The following KIF26B variants were observed in gnomAD, a reference collection of about 807,000 sequenced individuals.
KIF26B encodes the protein kinesin-like protein KIF26B.
KIF26B carries 63 observed loss-of-function variants against 151.2 expected under a neutral mutation model. That is an observed-to-expected ratio of 0.42 (90% CI 0.34 to 0.51). The LOEUF (loss-of-function observed/expected upper bound fraction) is 0.51, where lower values mean the gene tolerates loss of function less well. Ranked by LOEUF, KIF26B falls within the 20% of genes least tolerant of loss-of-function variation. The probability of loss-of-function intolerance (pLI) is 0.07; values close to 1 mark genes in which losing one functional copy is unlikely to be tolerated. For synonymous variants in KIF26B, 1,357 were observed against 1,262.1 expected (o/e 1.08, Z -1.59); for missense variants, 2,813 against 2,913.6 (o/e 0.97, Z 0.79).
chr1:245,180,954 TG>T (rs1470159698), intron 2 of KIF26B, among the ~76,000 whole-genome samples: 3 of 152,126 alleles, frequency 2.0e-5, no homozygotes, highest in Non-Finnish European at 2.9e-5. Context: ...TTCTCTTTTG[TG>T]GGCAAGATAG....
chr1:245,573,447 C>T (rs1381644176), intron 5 of KIF26B, among the ~76,000 whole-genome samples: 1 of 152,068 alleles, frequency 6.6e-6, no homozygotes, highest in African/African-American at 2.4e-5. Flanking sequence ...CGCTTGAACC[C>T]AGGAGGTGGA....
In KIF26B at chr1:245,698,867, CCT is replaced by C. The variant is rs1263007275; in HGVS notation, c.6028-15_6028-14del. The C allele has an allele frequency of 1.3e-5, 21 of 1,609,260 alleles. No individual in the cohort carries two copies. The highest frequency in any genetic ancestry group is 4.0e-5 in the African/African-American group (3 of 74,966). On this transcript the variant is annotated intron_variant, in intron 13 of 14. Coordinates refer to ENST00000407071, the MANE Select transcript of KIF26B (RefSeq NM_018012.4). This position sits in a 1 kb window ranked among gnomAD's most constrained non-coding sequence, Gnocchi z 4.0. Reference sequence around the variant, plus strand: ...GGGTGTGAGCAGAAGGGCCCTTTCTCCTCTCTGTCTGTGTGCTAGGAGGCCAT... The same window carrying C: ...GGGTGTGAGCAGAAGGGCCCTTTCTCCTCTGTCTGTGTGCTAGGAGGCCAT...
At chr1:245,674,640 T>C (rs2044334930) in intron 10 of KIF26B, among the ~76,000 whole-genome samples, 1 of 152,222 alleles carries the variant, frequency 6.6e-6, no homozygotes, top group South Asian at 2.1e-4. Flanking sequence ...TTCATCAAAG[T>C]GATGACATTC....
chr1:245,540,656 G>A lies in KIF26B; in HGVS notation c.1167-111G>A, dbSNP rs755275681. 2.1e-6 allele frequency: 2 copies of A among 944,044 alleles called. No individual in the cohort carries two copies. The highest frequency in any genetic ancestry group is 3.2e-5 in the African/African-American group (2 of 62,180). 58.5% of individuals were successfully genotyped at this position (944,044 alleles called of 1,614,324 possible). A position where few individuals can be genotyped will look rare whatever the true frequency, so the allele number is the denominator to read the frequency against. On this transcript the variant is annotated intron_variant, in intron 4 of 14. Transcript: ENST00000407071. This position sits in a 1 kb window ranked among gnomAD's most constrained non-coding sequence, Gnocchi z 4.6. The stretch of plus-strand genomic sequence containing the variant: ...AGGACACTGAGCAGGAGGAGAGAAG[G>A]AATGATTAGGCCTCAGAAAGAACGA...
chr1:245,493,054 C>T (rs1428834262), intron 4 of KIF26B, among the ~76,000 whole-genome samples: 1 of 152,152 alleles, frequency 6.6e-6, no homozygotes, highest in African/African-American at 2.4e-5. Context: ...GCTGGGATTA[C>T]AGGTGTGAAC....
chr1:245,381,556 C>T (rs1673409780), intron 3 of KIF26B, among the ~76,000 whole-genome samples: 1 of 151,930 alleles, frequency 6.6e-6, no homozygotes, highest in Non-Finnish European at 1.5e-5. Context: ...TGGCCTAAGA[C>T]AGTTCTTCTT....
In KIF26B at chr1:245,386,336, T is replaced by TAAAA. The variant is rs3038167; in HGVS notation, c.999+18977_999+18980dup. Among the ~76,000 whole-genome samples the TAAAA allele has an allele frequency of 7.8e-3, 1,145 of 147,692 alleles. 12 individuals carry two copies. The highest frequency in any genetic ancestry group is 0.021 in the East Asian group (104 of 5,042). On this transcript the variant is annotated intron_variant, in intron 3 of 14. Transcript: ENST00000407071. Reference sequence around the variant, plus strand: ...TATTCAGCCTGCTGTGTAATTGATCTAAAAAAAAAAAGACAGATTTATTCT... The same window carrying TAAAA: ...TATTCAGCCTGCTGTGTAATTGATCTAAAAAAAAAAAAAAAGACAGATTTATTCT...
rs35663208 is a variant in KIF26B at position 245,679,457 on chromosome 1, G to GTTTTT, written c.2259-4751_2259-4747dup. On this transcript the variant is annotated intron_variant, in intron 10 of 14. Coordinates refer to ENST00000407071, the MANE Select transcript of KIF26B (RefSeq NM_018012.4). Reference sequence around the variant, plus strand: ...GGTTTTTTGTGTTTTTTTTGTGTGTGTTTTTTTTTTTTTTTTTTTTTTTTT... The same window carrying GTTTTT: ...GGTTTTTTGTGTTTTTTTTGTGTGTGTTTTTTTTTTTTTTTTTTTTTTTTTTTTTT... Among the ~76,000 whole-genome samples, 100 of 59,206 alleles carry GTTTTT rather than the reference G, an allele frequency of 1.7e-3. 14 individuals are homozygous for GTTTTT. The highest frequency in any genetic ancestry group is 3.7e-3 in the African/African-American group (62 of 16,824). The allele number at this position is 59,206 out of a possible 152,430, so 38.8% of individuals were successfully genotyped here.
chr1:245,534,226 G>C (rs1400052740), intron 4 of KIF26B, among the ~76,000 whole-genome samples: 1 of 151,816 alleles, frequency 6.6e-6, no homozygotes, highest in Non-Finnish European at 1.5e-5. Context: ...GCAGTGGCGT[G>C]ATCTTGGCTC....
Position 245,227,734 on chromosome 1 carries a change from C to G in KIF26B, c.465+71051C>G, listed in dbSNP as rs905589695. On this transcript the variant is annotated intron_variant, in intron 2 of 14. Coordinates refer to ENST00000407071, the MANE Select transcript of KIF26B (RefSeq NM_018012.4). This position sits in a 1 kb window ranked among gnomAD's most constrained non-coding sequence, Gnocchi z 4.1. Reference sequence around the variant, plus strand: ...AACACTCTGAGGCTGGGTGTGGTGGCTCACGCCTGTGATTCCAGCACTTTA... The same window carrying G: ...AACACTCTGAGGCTGGGTGTGGTGGGTCACGCCTGTGATTCCAGCACTTTA... Among the ~76,000 whole-genome samples the G allele has an allele frequency of 1.4e-4, 22 of 152,116 alleles. No individual in the cohort carries two copies. Among genetic ancestry groups the G allele is most frequent in the African/African-American group, 5.3e-4 (22 of 41,400 alleles).
At position 245,170,427 on chromosome 1, in the gene KIF26B, T is replaced by C. The variant is rs1339389459; in HGVS notation, c.465+13744T>C. On this transcript the variant is annotated intron_variant, in intron 2 of 14. Coordinates refer to ENST00000407071, the MANE Select transcript of KIF26B (RefSeq NM_018012.4). This position sits in a 1 kb window ranked among gnomAD's most constrained non-coding sequence, Gnocchi z 4.4. ...GGGAATGCTCACTGGATGCTTACAATTGGTTCCAGGTGTTCCAGGGACGAA... is the reference window on the plus strand; with the variant it reads ...GGGAATGCTCACTGGATGCTTACAACTGGTTCCAGGTGTTCCAGGGACGAA... Among the ~76,000 whole-genome samples, 2 of 152,170 alleles carry C rather than the reference T, an allele frequency of 1.3e-5. No homozygotes were observed. The highest frequency in any genetic ancestry group is 4.8e-5 in the African/African-American group (2 of 41,440).
chr1:245,307,107 A>T (rs925004584), intron 2 of KIF26B, among the ~76,000 whole-genome samples: 2 of 152,194 alleles, frequency 1.3e-5, no homozygotes, highest in African/African-American at 4.8e-5. Context: ...CCTGGTAACT[A>T]TTCAAATTAG....
chr1:245,649,442 A>G (rs2043990061), intron 10 of KIF26B, among the ~76,000 whole-genome samples: 1 of 152,200 alleles, frequency 6.6e-6, no homozygotes, highest in Non-Finnish European at 1.5e-5. Flanking sequence ...AGCCCAGCAC[A>G]GCAGGAAAGC....
intron 2 of KIF26B, among the ~76,000 whole-genome samples, chr1:245,255,111 G>A (rs769523803): frequency 5.3e-5 from 8 of 152,112 alleles, no homozygotes; most frequent in Non-Finnish European, 1.2e-4. Context: ...GATGAGGTTA[G>A]CCTCCTTCTC....
At chr1:245,458,310 C>A (rs1006007090) in intron 4 of KIF26B, among the ~76,000 whole-genome samples, 1 of 152,138 alleles carries the variant, frequency 6.6e-6, no homozygotes, top group African/African-American at 2.4e-5. Flanking sequence ...ATAAAGGCAG[C>A]GGCTATTTAG....
In KIF26B at chr1:245,602,791, T is replaced by G. The variant is rs2043410867; in HGVS notation, c.1557+8T>G. 1 of 1,612,496 alleles carries G rather than the reference T, an allele frequency of 6.2e-7. No homozygotes were observed. Among genetic ancestry groups the G allele is most frequent in the African/African-American group, 1.3e-5 (1 of 75,004 alleles). On this transcript the variant is annotated splice_region_variant and intron_variant, in intron 6 of 14. Coordinates refer to ENST00000407071, the MANE Select transcript of KIF26B (RefSeq NM_018012.4). This position sits in a 1 kb window ranked among gnomAD's most constrained non-coding sequence, Gnocchi z 4.5. ...CCACAAGACGCTTCTCAGGTGGGTA[T>G]CAGCCCCCTCTCAGGCTCAGGCAAC...
chr1:245,580,726 G>A (rs369970428), intron 5 of KIF26B, among the ~76,000 whole-genome samples: 4 of 152,146 alleles, frequency 2.6e-5, no homozygotes, highest in South Asian at 2.1e-4. Context: ...ACAGTCTTTC[G>A]CTTCCTGGAG....
At chr1:245,357,280 T>C (rs4498839) in intron 2 of KIF26B, among the ~76,000 whole-genome samples, 28,748 of 152,180 alleles carry the variant, frequency 0.19, 7,391 homozygotes, top group African/African-American at 0.58. Flanking sequence ...TCCAGGTGGG[T>C]AAGAGTAGAA....
At chr1:245,457,519 C>A (rs1249843702) in intron 4 of KIF26B, among the ~76,000 whole-genome samples, 1 of 152,094 alleles carries the variant, frequency 6.6e-6, no homozygotes, top group Non-Finnish European at 1.5e-5. Context: ...CACTTTTTTC[C>A]TGCTGTTTTT....
Sources: gnomAD v4.1 joint callset for allele counts (sites outside exome capture counted in the v4.1 genomes callset) on GRCh38, gnomAD v4.1.1 for gene constraint, Gnocchi (gnomAD v3.1) non-coding constraint, MANE v1.5 for transcripts, NCBI Gene and HGNC (gene_info 2026-07-23, HGNC 2026-07-21) for gene names.